SLC25A48: variants seen among roughly 807,000 people sequenced by gnomAD.
SLC25A48 encodes solute carrier family 25 member 48, also known as CTC-321K16.1.
Under a neutral mutation model 32.2 loss-of-function variants are expected in SLC25A48, and 29 were observed. That is an observed-to-expected ratio of 0.90 (90% confidence interval 0.67 to 1.23). The LOEUF (loss-of-function observed/expected upper bound fraction) is 1.23, where lower values mean the gene tolerates loss of function less well. SLC25A48 is among the 50% of genes most tolerant of loss of function. The probability of loss-of-function intolerance (pLI) is 0.00; values close to 1 mark genes in which losing one functional copy is unlikely to be tolerated. For synonymous variants in SLC25A48, 164 were observed against 172.3 expected (o/e 0.95, Z 0.38); for missense variants, 399 against 422.7 (o/e 0.94, Z 0.49).
At chr5:135,840,017 A>G (rs556600312) in intron 1 of SLC25A48, among the ~76,000 whole-genome samples, 61 of 152,358 alleles carry the variant, frequency 4.0e-4, no homozygotes, top group African/African-American at 1.4e-3. Context: ...CTTTGATAGC[A>G]GCATGAGAAC....
chr5:135,700,409 A>G (rs1173691101), intron 3 of SLC25A48, among the ~76,000 whole-genome samples: 1 of 151,930 alleles, frequency 6.6e-6, no homozygotes, highest in Non-Finnish European at 1.5e-5. Flanking sequence ...AAAGAAAAGA[A>G]AATGATATTG....
At chr5:135,825,039 G>A (rs1490507830) in intron 4 of SLC25A48, 1 of 152,178 alleles carries the variant, frequency 6.6e-6, no homozygotes, top group Non-Finnish European at 1.5e-5. Context: ...AGCGGCCTGG[G>A]GAACGTGGTT....
intron 1 of SLC25A48, among the ~76,000 whole-genome samples, chr5:135,611,937 A>G (rs1190040314): frequency 6.6e-6 from 1 of 152,262 alleles, no homozygotes; most frequent in Non-Finnish European, 1.5e-5. Flanking sequence ...AAAATTATGT[A>G]GTTGCCTTCC....
intron 3 of SLC25A48, among the ~76,000 whole-genome samples, chr5:135,669,874 C>A (rs747862219): frequency 3.3e-5 from 5 of 152,184 alleles, no homozygotes; most frequent in Non-Finnish European, 7.4e-5. Flanking sequence ...GCTGAGGAGG[C>A]AGCATGCTGT....
chr5:135,797,690 TATTATTACA>T (rs1359204682), intron 3 of SLC25A48, among the ~76,000 whole-genome samples: 1 of 151,676 alleles, frequency 6.6e-6, no homozygotes, highest in African/African-American at 2.4e-5. Context: ...CAGAAGATGA[TATTATTACA>T]AATATTGCAG....
intron 4 of SLC25A48, among the ~76,000 whole-genome samples, chr5:135,870,189 A>G (rs1342978403): frequency 6.6e-6 from 1 of 152,238 alleles, no homozygotes; most frequent in Non-Finnish European, 1.5e-5. Context: ...AACACTGTAC[A>G]GAGAATTAAA....
intron 3 of SLC25A48, among the ~76,000 whole-genome samples, chr5:135,776,841 C>A (rs900843288): frequency 6.6e-6 from 1 of 151,624 alleles, no homozygotes; most frequent in Admixed American, 6.6e-5. Flanking sequence ...CTCCCAATAT[C>A]AAAATGTATA....
intron 2 of SLC25A48, among the ~76,000 whole-genome samples, chr5:135,844,174 C>T (rs1759230882): frequency 6.6e-6 from 1 of 152,228 alleles, no homozygotes; most frequent in Admixed American, 6.5e-5. Flanking sequence ...TGGCCTCTGA[C>T]TCTCTCCTGT....
In SLC25A48 at chr5:135,764,091, C is replaced by T. The variant is rs1580852310; in HGVS notation, c.-520-48432C>T. On this transcript the variant is annotated intron_variant, in intron 3 of 10. Transcript: ENST00000646290. Reference sequence around the variant, plus strand: ...GAAGAAAGAGCGTGATATTACTCCCCATATCGCAAGGGGTGTACACCCCTC... The same window carrying T: ...GAAGAAAGAGCGTGATATTACTCCCTATATCGCAAGGGGTGTACACCCCTC... Among the ~76,000 whole-genome samples the T allele has an allele frequency of 2.0e-5, 3 of 152,086 alleles. No homozygotes were observed. In the South Asian group the frequency reaches 6.2e-4, roughly 32 times the overall value.
At chr5:135,867,675 A>G (rs943512543) in intron 4 of SLC25A48, among the ~76,000 whole-genome samples, 8 of 152,212 alleles carry the variant, frequency 5.3e-5, no homozygotes, top group African/African-American at 1.9e-4. Flanking sequence ...TGAATTGAAA[A>G]TCAGTATTAC....
chr5:135,736,022 G>A (rs990888994), intron 3 of SLC25A48, among the ~76,000 whole-genome samples: 8 of 152,070 alleles, frequency 5.3e-5, no homozygotes, highest in Non-Finnish European at 8.8e-5. Context: ...GTGGAGGAGC[G>A]GAGGCTGAGG....
Position 135,852,698 on chromosome 5 carries a change from C to T in SLC25A48, c.298C>T (p.Pro100Ser). The change falls in exon 4 of 8, where the codon CCC becomes TCC. Residue 100 changes from proline to serine, a missense_variant. Physicochemically the swap from Pro to Ser is moderately conservative, Grantham distance 74 (BLOSUM62 -1). Transcript: ENST00000681962. ...HRCGEPEASP[P>S]RTLSDLLLAS... The stretch of plus-strand genomic sequence containing the variant: ...CTGCGGGGAGCCAGAGGCCAGTCCT[C>T]CCCGCACGCTGTCAGACCTGCTCCT... The T allele has an allele frequency of 1.2e-6, 2 of 1,614,196 alleles. No homozygotes were observed. The highest frequency in any genetic ancestry group is 1.7e-6 in the Non-Finnish European group (2 of 1,180,024).
intron 3 of SLC25A48, among the ~76,000 whole-genome samples, chr5:135,791,575 T>C (rs578116022): frequency 6.6e-6 from 1 of 151,600 alleles, no homozygotes; most frequent in Non-Finnish European, 1.5e-5. Flanking sequence ...ATGTCAGAAC[T>C]GGTGTACATA....
At chr5:135,808,504 A>C (rs370187327) in intron 3 of SLC25A48, among the ~76,000 whole-genome samples, 1 of 151,958 alleles carries the variant, frequency 6.6e-6, no homozygotes, top group Non-Finnish European at 1.5e-5. Flanking sequence ...ATAACCATTT[A>C]GTGCTTAAAA....
intron 7 of SLC25A48, among the ~76,000 whole-genome samples, chr5:135,885,986 C>G (rs1051722232): frequency 6.6e-6 from 1 of 151,916 alleles, no homozygotes; most frequent in Non-Finnish European, 1.5e-5. Flanking sequence ...TTGAAAAACC[C>G]TTGAAGGATA....
chr5:135,761,356 C>T (rs979656379), intron 3 of SLC25A48, among the ~76,000 whole-genome samples: 5 of 151,770 alleles, frequency 3.3e-5, no homozygotes, highest in East Asian at 3.9e-4. Context: ...ATGTAAAGGA[C>T]GAGTTAATGG....
chr5:135,654,065 G>A, intron 3 of SLC25A48: 1 of 371,474 alleles, frequency 2.7e-6, no homozygotes, highest in Non-Finnish European at 5.3e-6. Flanking sequence ...ACAGCCACCA[G>A]TGGGACCCAA....
chr5:135,661,101 C>T (rs1196290568), intron 3 of SLC25A48, among the ~76,000 whole-genome samples: 1 of 152,160 alleles, frequency 6.6e-6, no homozygotes, highest in Non-Finnish European at 1.5e-5. Context: ...CAGTTGGTGC[C>T]CTTGGTCCCA....
intron 3 of SLC25A48, among the ~76,000 whole-genome samples, chr5:135,741,876 G>A (rs1395602311): frequency 1.3e-5 from 2 of 152,148 alleles, no homozygotes; most frequent in Non-Finnish European, 2.9e-5. Context: ...GGGTTAATAA[G>A]GAGGAAAAAG....
Sources: allele counts gnomAD v4.1 joint callset (sites outside exome capture counted in the v4.1 genomes callset), GRCh38; gene constraint gnomAD v4.1.1; transcripts MANE v1.5; gene names NCBI Gene and HGNC (gene_info 2026-07-23, HGNC 2026-07-21).